The following AGPS variants were observed in gnomAD, a reference collection of about 807,000 sequenced individuals.
The protein encoded by AGPS is alkylglycerone phosphate synthase.
A neutral mutation model predicts 90.7 loss-of-function variants in AGPS; 26 were observed. That is an observed-to-expected ratio of 0.29 (90% CI 0.21 to 0.40). The LOEUF (loss-of-function observed/expected upper bound fraction) is 0.40, where lower values mean the gene tolerates loss of function less well. Among genes scored for constraint, AGPS ranks in the 10% least tolerant of loss-of-function variants. The probability of loss-of-function intolerance (pLI) is 1.00; values close to 1 mark genes in which losing one functional copy is unlikely to be tolerated. For missense variants in AGPS, 540 were observed against 816.1 expected, an observed-to-expected ratio of 0.66 and a Z score of 4.12; for synonymous variants, 294 against 285.3, an observed-to-expected ratio of 1.03 and a Z score of -0.31.
intron 1 of AGPS, among the ~76,000 whole-genome samples, chr2:177,396,302 G>A (rs1685171811): frequency 1.3e-5 from 2 of 152,204 alleles, no homozygotes; most frequent in African/African-American, 4.8e-5. Flanking sequence ...TCTTTGGCTT[G>A]TGGGTTATCA....
intron 1 of AGPS, among the ~76,000 whole-genome samples, chr2:177,394,777 G>A (rs1207174634): frequency 6.6e-6 from 1 of 152,048 alleles, no homozygotes; most frequent in Non-Finnish European, 1.5e-5. Flanking sequence ...GTTGCTGTGA[G>A]AATTGAAAAA....
intron 10 of AGPS, among the ~76,000 whole-genome samples, chr2:177,480,625 T>C (rs988895474): frequency 1.5e-4 from 23 of 151,998 alleles, no homozygotes; most frequent in African/African-American, 5.6e-4. Flanking sequence ...ATACCTAATG[T>C]AAATGATGAG....
intron 15 of AGPS, among the ~76,000 whole-genome samples, chr2:177,507,620 A>G (rs1287072075): frequency 6.6e-6 from 1 of 152,152 alleles, no homozygotes; most frequent in Non-Finnish European, 1.5e-5. Context: ...TTAATTTACT[A>G]TTTATGCCAC....
rs372989395 is a variant in AGPS, at chr2:177,483,677, T to C, written c.1233+1491T>C. The stretch of plus-strand genomic sequence containing the variant: ...CTAGAACTTTGGGAATACGATATTA[T>C]GGTTAGGGAGCTAGAGTATATAGTA... On this transcript the variant is annotated intron_variant, in intron 11 of 19. Transcript: ENST00000264167. Among the ~76,000 whole-genome samples, 78 of 152,326 alleles carry C rather than the reference T, an allele frequency of 5.1e-4. No homozygotes were observed. In the East Asian group the frequency reaches 9.6e-3, roughly 19 times the overall value.
At chr2:177,534,435 A>G (rs1222960543) in intron 19 of AGPS, among the ~76,000 whole-genome samples, 6 of 152,190 alleles carry the variant, frequency 3.9e-5, no homozygotes, top group East Asian at 1.9e-4. Context: ...AAAATGTACT[A>G]TGTGTTGTGG....
intron 17 of AGPS, among the ~76,000 whole-genome samples, chr2:177,516,557 A>G (rs928524789): frequency 3.3e-5 from 5 of 152,148 alleles, no homozygotes; most frequent in African/African-American, 1.2e-4. Context: ...AAGGTATTCC[A>G]TAAGGTGTTT....
chr2:177,512,582 C>T (rs1416076142), intron 16 of AGPS, among the ~76,000 whole-genome samples: 1 of 152,114 alleles, frequency 6.6e-6, no homozygotes, highest in Non-Finnish European at 1.5e-5. Flanking sequence ...GTCAAGTCTG[C>T]GTCTTGAGAC....
intron 10 of AGPS, among the ~76,000 whole-genome samples, chr2:177,469,934 G>C (rs1687562934): frequency 6.6e-6 from 1 of 152,028 alleles, no homozygotes; most frequent in Non-Finnish European, 1.5e-5. Flanking sequence ...TTATACAACA[G>C]CGTGACAAAT....
intron 14 of AGPS, among the ~76,000 whole-genome samples, chr2:177,504,185 CCTGTGGTG>C (rs1242729145): frequency 6.6e-6 from 1 of 152,146 alleles, no homozygotes; most frequent in African/African-American, 2.4e-5. Flanking sequence ...GTTTCCTAGA[CCTGTGGTG>C]CTTTTTCTCT....
In AGPS at chr2:177,505,483, AAC is replaced by A. The variant is rs140790212; in HGVS notation, c.1476-21_1476-20del. 779 of 1,602,044 alleles carry A rather than the reference AAC, an allele frequency of 4.9e-4. 5 individuals carry two copies. In the African/African-American group the frequency reaches 9.5e-3, roughly 20 times the overall value. ...ATGAGATTAAGATAAAAAATTTATT[AAC>A]AGTTTGTTCTTTAATTACAGTGGGT... On this transcript the variant is annotated intron_variant, in intron 14 of 19. Transcript: ENST00000264167.
At chr2:177,429,276 T>A (rs1029196078) in intron 2 of AGPS, among the ~76,000 whole-genome samples, 1 of 152,176 alleles carries the variant, frequency 6.6e-6, no homozygotes, top group Non-Finnish European at 1.5e-5. Context: ...CTCAGCGAAG[T>A]TCGTTATTAC....
At chr2:177,475,459 A>G (rs1687755325) in intron 10 of AGPS, among the ~76,000 whole-genome samples, 1 of 152,164 alleles carries the variant, frequency 6.6e-6, no homozygotes, top group South Asian at 2.1e-4. Context: ...TCCTCCTTCC[A>G]GCTCCCCAGC....
intron 8 of AGPS, among the ~76,000 whole-genome samples, chr2:177,451,908 C>T (rs570280866): frequency 6.6e-6 from 1 of 152,038 alleles, no homozygotes; most frequent in South Asian, 2.1e-4. Context: ...AAAATATTTT[C>T]TACTTCTTTG....
chr2:177,392,805 G>A lies in AGPS; in HGVS notation c.16G>A (p.Ala6Thr). 2 of 1,508,386 alleles carry A rather than the reference G, an allele frequency of 1.3e-6. No homozygotes were observed. Among genetic ancestry groups the A allele is most frequent in the Non-Finnish European group, 1.8e-6 (2 of 1,141,032 alleles). 93.4% of individuals were successfully genotyped at this position (1,508,386 alleles called of 1,614,324 possible). MAEAAAAAGGTGLGAG... is the reference protein window; with the variant it reads MAEAATAAGGTGLGAG... ...GGCGGTAGCCATGGCGGAGGCGGCGGCTGCAGCGGGTGGGACTGGCTTGGG... is the reference window on the plus strand; with the variant it reads ...GGCGGTAGCCATGGCGGAGGCGGCGACTGCAGCGGGTGGGACTGGCTTGGG... The change falls in exon 1 of 20, where the codon GCT becomes ACT. Residue 6 changes from alanine (A) to threonine (T), a missense_variant. Coordinates refer to ENST00000264167, the MANE Select transcript of AGPS (RefSeq NM_003659.4).
At chr2:177,426,842 G>C (rs1686095781) in intron 2 of AGPS, among the ~76,000 whole-genome samples, 1 of 152,170 alleles carries the variant, frequency 6.6e-6, no homozygotes, top group South Asian at 2.1e-4. Flanking sequence ...TTTTGTTGTT[G>C]TGTCTCTGCC....
At chr2:177,470,649 T>C (rs1310558017) in intron 10 of AGPS, among the ~76,000 whole-genome samples, 1 of 144,674 alleles carries the variant, frequency 6.9e-6, no homozygotes. Context: ...GATTACAGAC[T>C]GCAGTGAGCC....
Position 177,540,471 on chromosome 2 carries a change from A to AC in AGPS, c.*2281dup, listed in dbSNP as rs1318883043. 1.3e-5 allele frequency: 2 copies of AC among 151,672 alleles called. No individual in the cohort carries two copies. The highest frequency in any genetic ancestry group is 2.4e-5 in the African/African-American group (1 of 41,204). 9.4% of individuals were successfully genotyped at this position (151,672 alleles called of 1,614,324 possible). A position where few individuals can be genotyped will look rare whatever the true frequency, so the allele number is the denominator to read the frequency against. On this transcript the variant is annotated 3_prime_UTR_variant, in exon 20 of 20. Transcript: ENST00000264167. ...TTAGTAAATCAGAAAGCCTCCCCCT[A>AC]CCCCCAGCCCCCACTTTCACATACC...
chr2:177,426,582 A>G (rs959997361), intron 2 of AGPS, among the ~76,000 whole-genome samples: 1 of 152,132 alleles, frequency 6.6e-6, no homozygotes, highest in African/African-American at 2.4e-5. Flanking sequence ...TCCTTACTTT[A>G]TTGAATTTTT....
chr2:177,510,911 C>A (rs569291524), intron 16 of AGPS, among the ~76,000 whole-genome samples: 1 of 152,236 alleles, frequency 6.6e-6, no homozygotes, highest in African/African-American at 2.4e-5. Context: ...GATTACCGGT[C>A]ATACTAGTTT....
Sources: gnomAD v4.1 joint callset for allele counts (sites outside exome capture counted in the v4.1 genomes callset) on GRCh38, gnomAD v4.1.1 for gene constraint, MANE v1.5 for transcripts, NCBI Gene and HGNC (gene_info 2026-07-23, HGNC 2026-07-21) for gene names.